The following SLC12A3 variants were observed in gnomAD, a reference collection of about 807,000 sequenced individuals.
The protein encoded by SLC12A3 is solute carrier family 12 member 3.
SLC12A3 carries 104 observed loss-of-function variants against 121.0 expected under a neutral mutation model. The ratio of observed to expected loss-of-function variants is 0.86; its 90% CI spans 0.73 to 1.01. SLC12A3 has a LOEUF of 1.01. Among genes scored for constraint, SLC12A3 ranks in the 50% least tolerant of loss-of-function variants. The pLI is 0.00. For synonymous variants in SLC12A3, 536 were observed against 533.4 expected (o/e 1.00, Z -0.07); for missense variants, 1,328 against 1,356.3 (o/e 0.98, Z 0.33).
intron 23 of SLC12A3, among the ~76,000 whole-genome samples, chr16:56,901,812 G>C (rs2055542920): frequency 6.6e-6 from 1 of 152,168 alleles, no homozygotes; most frequent in African/African-American, 2.4e-5. Context: ...CCAGCACACA[G>C]GATCCTTCAC....
At chr16:56,872,535 G>A (rs1039259086) in intron 7 of SLC12A3, 73 bp downstream of exon 7, 18 of 1,584,824 alleles carry the variant, frequency 1.1e-5, no homozygotes, top group Non-Finnish European at 6.1e-6. Flanking sequence ...GGCCCATTGT[G>A]TGGACACTGG....
intron 20 of SLC12A3, 49 bp downstream of exon 20, chr16:56,892,182 T>C (rs1275345585): frequency 6.3e-7 from 1 of 1,586,856 alleles, no homozygotes; most frequent in South Asian, 1.1e-5. Flanking sequence ...CACTCAGAGC[T>C]CAGGGCACTC....
At chr16:56,909,221 G>T (rs1297644125) in intron 25 of SLC12A3, among the ~76,000 whole-genome samples, 1 of 151,890 alleles carries the variant, frequency 6.6e-6, no homozygotes, top group Non-Finnish European at 1.5e-5. Context: ...CACTTTGGGA[G>T]GCTGAGGCTG....
chr16:56,906,260 T>C (rs1260132544), intron 25 of SLC12A3, among the ~76,000 whole-genome samples: 1 of 152,230 alleles, frequency 6.6e-6, no homozygotes, highest in African/African-American at 2.4e-5. Flanking sequence ...CAATACCCTC[T>C]TTCAGGAGAG....
At position 56,914,941 on chromosome 16, in the gene SLC12A3, C is replaced by G. The variant is rs1329868834; in HGVS notation, c.*1536C>G. 6.7e-6 allele frequency: 1 copy of G among 149,700 alleles called. No homozygotes were observed. Among genetic ancestry groups the G allele is most frequent in the Non-Finnish European group, 1.5e-5 (1 of 67,714 alleles). The allele number at this position is 149,700 out of a possible 1,614,324, so 9.3% of individuals were successfully genotyped here. Reference sequence around the variant, plus strand: ...TGGAAAGAGCAGGCGGCAGAGGGGGCTGGCAGGGAGGGGCTGTTAAGAGTG... The same window carrying G: ...TGGAAAGAGCAGGCGGCAGAGGGGGGTGGCAGGGAGGGGCTGTTAAGAGTG... On this transcript the variant is annotated 3_prime_UTR_variant, in exon 26 of 26. Transcript: ENST00000563236.
At position 56,879,225 on chromosome 16, in the gene SLC12A3, C is replaced by T; in HGVS notation, c.1333C>T (p.Gln445Ter). The change falls in exon 10 of 26, where the codon CAG becomes TAG. Residue 445 changes from glutamine (Q) to a stop codon, truncating the protein, a stop_gained and splice_region_variant. Coordinates refer to ENST00000563236, the MANE Select transcript of SLC12A3 (RefSeq NM_001126108.2). LOFTEE classifies it high-confidence loss of function. ...SCHYGLINYY[Q>*]TMSMVSGFAP... ...CCACTACGGCCTCATCAACTATTAC[C>T]AGGTACTGCCAGGAGAGCTGACCCA... 1.2e-6 allele frequency: 2 copies of T among 1,613,908 alleles called. No individual in the cohort carries two copies. The highest frequency in any genetic ancestry group is 1.7e-6 in the Non-Finnish European group (2 of 1,180,034).
At chr16:56,901,347 C>CTCTTTTTTTTTTTT (rs1555502273) in intron 23 of SLC12A3, among the ~76,000 whole-genome samples, 5 of 128,902 alleles carry the variant, frequency 3.9e-5, no homozygotes, top group African/African-American at 1.6e-4. Context: ...CTCTCTCTCT[C>CTCTTTTTTTTTTTT]TTTTTTTTTT....
intron 25 of SLC12A3, among the ~76,000 whole-genome samples, chr16:56,912,244 A>G (rs543073424): frequency 3.3e-4 from 50 of 152,224 alleles, no homozygotes; most frequent in Non-Finnish European, 6.2e-4. Context: ...GAGCCCACAG[A>G]CCCTCCTGGA....
At chr16:56,899,685 C>T in intron 23 of SLC12A3, 69 bp downstream of exon 23, 2 of 1,096,430 alleles carry the variant, frequency 1.8e-6, no homozygotes, top group South Asian at 1.2e-5. Flanking sequence ...CTGCCGGCTG[C>T]CCCCTTTTTC....
intron 17 of SLC12A3, among the ~76,000 whole-genome samples, 143 bp from the exon 18 acceptor site, chr16:56,887,772 TTATATATATA>T (rs1555500981): frequency 5.0e-5 from 3 of 59,968 alleles, no homozygotes; most frequent in East Asian, 8.3e-4. Context: ...ATTTTTAAGA[TTATATATATA>T]TATATATATA....
chr16:56,906,488 C>T (rs1055283701), intron 25 of SLC12A3: 2 of 187,102 alleles, frequency 1.1e-5, no homozygotes, highest in East Asian at 3.2e-4. Context: ...CTTAAGATGT[C>T]CATGAGGGTT....
intron 12 of SLC12A3, among the ~76,000 whole-genome samples, chr16:56,881,168 G>T (rs2055235244): frequency 6.6e-6 from 1 of 152,192 alleles, no homozygotes; most frequent in Non-Finnish European, 1.5e-5. Context: ...GCCTCCCTGG[G>T]CTCATGGGCA....
At chr16:56,899,762 C>A in intron 23 of SLC12A3, 146 bp downstream of exon 23, 2 of 703,082 alleles carry the variant, frequency 2.8e-6, no homozygotes, top group Non-Finnish European at 2.6e-6. Flanking sequence ...GGCACAACTT[C>A]TGCAGTGGCT....
intron 20 of SLC12A3, 130 bp downstream of exon 20, chr16:56,892,263 CGGT>C: frequency 1.2e-6 from 1 of 831,958 alleles, no homozygotes; most frequent in Non-Finnish European, 2.1e-6. Flanking sequence ...TTTCTTGTGA[CGGT>C]GGTGCCTGAG....
In SLC12A3 at chr16:56,899,549, A is replaced by G; in HGVS notation, c.2653A>G (p.Lys885Glu). 1 of 1,613,946 alleles carries G rather than the reference A, an allele frequency of 6.2e-7. No homozygotes were observed. The highest frequency in any genetic ancestry group is 8.5e-7 in the Non-Finnish European group (1 of 1,179,814). The change falls in exon 23 of 26, where the codon AAG (lysine) becomes GAG (glutamate). Residue 885 changes from lysine (K) to glutamate (E), a missense_variant. Coordinates refer to ENST00000563236, the MANE Select transcript of SLC12A3 (RefSeq NM_001126108.2). ...ERKAIISLLS[K>E]FRLGFHEVHI... is the part of the protein sequence containing the mutation. ...CTCCAGGATCATTTCTCTGCTGAGC[A>G]AGTTCCGACTGGGATTCCATGAAGT... is the stretch of plus-strand genomic sequence containing the variant.
At chr16:56,867,591 G>A (rs1403749979) in intron 2 of SLC12A3, among the ~76,000 whole-genome samples, 1 of 152,192 alleles carries the variant, frequency 6.6e-6, no homozygotes, top group Non-Finnish European at 1.5e-5. Flanking sequence ...GGATCTTATG[G>A]GATGTAGAAG....
At chr16:56,880,370 A>G in intron 12 of SLC12A3, 117 bp downstream of exon 12, 1 of 1,291,634 alleles carries the variant, frequency 7.7e-7, no homozygotes. Context: ...CCTGACAGTT[A>G]GTGGGCACTA....
intron 18 of SLC12A3, among the ~76,000 whole-genome samples, chr16:56,888,428 G>A (rs2055347139): frequency 6.6e-6 from 1 of 152,194 alleles, no homozygotes; most frequent in Non-Finnish European, 1.5e-5. Flanking sequence ...GGCCAGGGGT[G>A]ATAGGGAGCA....
chr16:56,908,116 T>A (rs549997736), intron 25 of SLC12A3, among the ~76,000 whole-genome samples: 55 of 151,504 alleles, frequency 3.6e-4, no homozygotes, highest in African/African-American at 1.2e-3. Flanking sequence ...GTGCTTTTTT[T>A]TTTTTTAAAG....
Sources: allele counts gnomAD v4.1 joint callset (sites outside exome capture counted in the v4.1 genomes callset), GRCh38; gene constraint gnomAD v4.1.1; transcripts MANE v1.5; gene names NCBI Gene and HGNC (gene_info 2026-07-23, HGNC 2026-07-21).